ST6GALNAC5: variants seen among roughly 807,000 people sequenced by gnomAD.
ST6GALNAC5 encodes ST6 N-acetylgalactosaminide alpha-2,6-sialyltransferase 5.
A neutral mutation model predicts 33.6 loss-of-function variants in ST6GALNAC5; 27 were observed. The ratio of observed to expected loss-of-function variants is 0.80; its 90% CI spans 0.59 to 1.11. The LOEUF is 1.11. Ranked by LOEUF, ST6GALNAC5 falls within the 50% of genes least tolerant of loss-of-function variation. The pLI is 0.00. For missense variants in ST6GALNAC5, 428 were observed against 454.0 expected (o/e 0.94, Z 0.52); for synonymous variants, 194 against 171.2 (o/e 1.13, Z -1.04).
At chr1:77,041,275 C>G (rs1020159094) in intron 2 of ST6GALNAC5, among the ~76,000 whole-genome samples, 1 of 152,160 alleles carries the variant, frequency 6.6e-6, no homozygotes, top group African/African-American at 2.4e-5. Context: ...GTCCCATGGT[C>G]CCTTGTGCCT....
chr1:77,004,713 A>G (rs1451842739), intron 2 of ST6GALNAC5, among the ~76,000 whole-genome samples: 2 of 119,852 alleles, frequency 1.7e-5, no homozygotes, highest in African/African-American at 5.2e-5. Flanking sequence ...TCTAACAGAC[A>G]GGACCCTCAG....
intron 2 of ST6GALNAC5, among the ~76,000 whole-genome samples, chr1:76,920,701 C>A (rs558685253): frequency 1.3e-5 from 2 of 152,290 alleles, no homozygotes; most frequent in East Asian, 1.9e-4. Context: ...AATCAGGGAA[C>A]AATGGCTGGC....
rs989020500 is a variant in ST6GALNAC5 at position 77,065,776 on chromosome 1, A to C, written c.*2570A>C. On this transcript the variant is annotated 3_prime_UTR_variant, in exon 5 of 5. Transcript: ENST00000477717. ...AGTATCTGATTGTGTTTGATGCCTA[A>C]GTCATACTCGTTATGTTACATGCCT... 4 of 152,202 alleles carry C rather than the reference A, an allele frequency of 2.6e-5. No homozygotes were observed. Among genetic ancestry groups the C allele is most frequent in the Non-Finnish European group, 4.4e-5 (3 of 68,030 alleles). 9.4% of individuals were successfully genotyped at this position (152,202 alleles called of 1,614,324 possible).
chr1:77,028,536 A>G (rs1423528961), intron 2 of ST6GALNAC5, among the ~76,000 whole-genome samples: 1 of 152,252 alleles, frequency 6.6e-6, no homozygotes, highest in Non-Finnish European at 1.5e-5. Flanking sequence ...ACATTTATTG[A>G]GTGTCTTTTA....
chr1:76,899,751 T>C (rs1646796862), intron 2 of ST6GALNAC5, among the ~76,000 whole-genome samples: 1 of 151,310 alleles, frequency 6.6e-6, no homozygotes, highest in South Asian at 2.1e-4. Context: ...GATTGAAGTG[T>C]GGCGCCAAGA....
Position 76,961,395 on chromosome 1 carries a change from A to G in ST6GALNAC5, c.262-82809A>G, listed in dbSNP as rs866571717. ...GTCTCTGGAATGCGAAGAAGAAAGA[A>G]AAAAAGACAAGGAACGTGAAAATTG... On this transcript the variant is annotated intron_variant, in intron 2 of 4. Transcript: ENST00000477717. Among the ~76,000 whole-genome samples the G allele has an allele frequency of 4.0e-4, 61 of 152,344 alleles. 1 individual carries two copies. Among genetic ancestry groups the G allele is most frequent in the African/African-American group, 1.3e-3 (55 of 41,590 alleles).
At chr1:76,889,611 T>G (rs1653971305) in intron 2 of ST6GALNAC5, among the ~76,000 whole-genome samples, 2 of 152,170 alleles carry the variant, frequency 1.3e-5, no homozygotes, top group African/African-American at 4.8e-5. Flanking sequence ...CATTACTTTT[T>G]AGATATTCTA....
At chr1:77,034,281 A>G (rs1352538441) in intron 2 of ST6GALNAC5, among the ~76,000 whole-genome samples, 3 of 151,520 alleles carry the variant, frequency 2.0e-5, no homozygotes, top group Admixed American at 6.6e-5. Context: ...CATCACCCCA[A>G]TCTCTGCCTC....
chr1:77,049,155 T>C (rs924106546), intron 3 of ST6GALNAC5, among the ~76,000 whole-genome samples: 1 of 152,190 alleles, frequency 6.6e-6, no homozygotes, highest in East Asian at 1.9e-4. Flanking sequence ...TTTTTTTTCT[T>C]TTTTGGTCCT....
Position 77,064,823 on chromosome 1 carries a change from G to A in ST6GALNAC5, c.*1617G>A, listed in dbSNP as rs1407886426. On this transcript the variant is annotated 3_prime_UTR_variant, in exon 5 of 5. Coordinates refer to ENST00000477717, the MANE Select transcript of ST6GALNAC5 (RefSeq NM_030965.3). ...GACATTGTTTTACAGACATGACCTG[G>A]CTTATGATAAAAGAAGTTTTATCGC... 8 of 152,076 alleles carry A rather than the reference G, an allele frequency of 5.3e-5. No homozygotes were observed. Among genetic ancestry groups the A allele is most frequent in the Non-Finnish European group, 8.8e-5 (6 of 67,986 alleles). The allele number at this position is 152,076 out of a possible 1,614,324, so 9.4% of individuals were successfully genotyped here.
At chr1:76,908,286 T>G (rs895449589) in intron 2 of ST6GALNAC5, among the ~76,000 whole-genome samples, 1 of 152,066 alleles carries the variant, frequency 6.6e-6, no homozygotes, top group African/African-American at 2.4e-5. Context: ...TGATGTCAGG[T>G]GAAGACCTGT....
chr1:76,969,512 C>G (rs1160650542), intron 2 of ST6GALNAC5, among the ~76,000 whole-genome samples: 2 of 152,154 alleles, frequency 1.3e-5, no homozygotes, highest in African/African-American at 2.4e-5. Flanking sequence ...AGTAGGTAAA[C>G]AAAGCAGCCT....
intron 2 of ST6GALNAC5, among the ~76,000 whole-genome samples, chr1:76,925,618 G>T (rs553286728): frequency 6.6e-6 from 1 of 152,050 alleles, no homozygotes; most frequent in African/African-American, 2.4e-5. Context: ...GAAGAGAAGC[G>T]ATAAGAAGAT....
At chr1:76,994,683 G>T (rs973762333) in intron 2 of ST6GALNAC5, among the ~76,000 whole-genome samples, 1 of 152,116 alleles carries the variant, frequency 6.6e-6, no homozygotes, top group African/African-American at 2.4e-5. Flanking sequence ...GGGGATTCAG[G>T]AATATCTCCA....
chr1:76,957,395 T>C (rs1482957600), intron 2 of ST6GALNAC5, among the ~76,000 whole-genome samples: 2 of 152,172 alleles, frequency 1.3e-5, no homozygotes, highest in African/African-American at 4.8e-5. Flanking sequence ...AATGCAATTG[T>C]ATTGGATTTA....
At chr1:76,902,774 G>T (rs895622431) in intron 2 of ST6GALNAC5, among the ~76,000 whole-genome samples, 1 of 152,072 alleles carries the variant, frequency 6.6e-6, no homozygotes, top group Non-Finnish European at 1.5e-5. Flanking sequence ...GGGCACCATG[G>T]TTATTCAATA....
intron 2 of ST6GALNAC5, among the ~76,000 whole-genome samples, chr1:76,960,788 G>C (rs1000171559): frequency 5.9e-5 from 9 of 152,200 alleles, no homozygotes; most frequent in African/African-American, 2.2e-4. Context: ...CGGCTCACCA[G>C]CGGTCAGAGT....
At chr1:76,976,951 T>A (rs780810298) in intron 2 of ST6GALNAC5, among the ~76,000 whole-genome samples, 2 of 152,198 alleles carry the variant, frequency 1.3e-5, no homozygotes, top group Non-Finnish European at 2.9e-5. Flanking sequence ...AAATACTGAT[T>A]CTGATTTAGT....
intron 4 of ST6GALNAC5, among the ~76,000 whole-genome samples, chr1:77,059,562 T>C (rs1208178647): frequency 6.6e-6 from 1 of 152,256 alleles, no homozygotes; most frequent in East Asian, 1.9e-4. Context: ...ACTGGCAATG[T>C]TAACCTTCAT....
Sources: gnomAD v4.1 joint callset for allele counts (sites outside exome capture counted in the v4.1 genomes callset) on GRCh38, gnomAD v4.1.1 for gene constraint, MANE v1.5 for transcripts, NCBI Gene and HGNC (gene_info 2026-07-23, HGNC 2026-07-21) for gene names.